Variants in TENM2 observed in about 807,000 individuals in gnomAD.
TENM2 encodes the protein teneurin transmembrane protein 2.
TENM2 carries 52 observed loss-of-function variants against 245.2 expected under a neutral mutation model. That is an observed-to-expected ratio of 0.21 (90% CI 0.17 to 0.27). The LOEUF (loss-of-function observed/expected upper bound fraction) is 0.27. Ranked by LOEUF, TENM2 falls within the 10% of genes least tolerant of loss-of-function variation. The pLI, the probability that TENM2 is intolerant of heterozygous loss-of-function variation, is 1.00. For synonymous variants in TENM2, 1,363 were observed against 1,438.9 expected, an observed-to-expected ratio of 0.95 and a Z score of 1.19; for missense variants, 3,046 against 3,666.8, an observed-to-expected ratio of 0.83 and a Z score of 4.37.
At chr5:167,121,424 A>G in the TENM2 span, among the ~76,000 whole-genome samples, 1 of 152,348 alleles carries the variant, frequency 6.6e-6, no homozygotes, top group Non-Finnish European at 1.5e-5. Flanking sequence ...AGAAGAATGC[A>G]CCAGGCTGTG....
At chr5:167,044,298 A>G in the TENM2 span, among the ~76,000 whole-genome samples, 1 of 152,214 alleles carries the variant, frequency 6.6e-6, no homozygotes, top group Non-Finnish European at 1.5e-5. Context: ...TGAAGTATCA[A>G]GTATGATGGC....
intron 12 of TENM2, 35 bp from the exon 15 acceptor site, chr5:168,162,576 T>C: frequency 3.7e-6 from 6 of 1,606,930 alleles, no homozygotes; most frequent in Non-Finnish European, 5.1e-6. Flanking sequence ...CGGCCTCACG[T>C]CCCTCCTTCT....
At position 168,216,977 on chromosome 5, in the gene TENM2, G is replaced by A. The variant is rs1330724304; in HGVS notation, c.4233+55G>A. ...AGCAACACCTGCCCCTTGGCCTGAGGTTCTTACCTGTTTCCTGTTTGGTTT... is the reference window on the plus strand; with the variant it reads ...AGCAACACCTGCCCCTTGGCCTGAGATTCTTACCTGTTTCCTGTTTGGTTT... On this transcript the variant is annotated intron_variant, in intron 22 of 28. Coordinates refer to ENST00000518659, the Ensembl canonical transcript of TENM2. 1.7e-5 allele frequency: 27 copies of A among 1,581,540 alleles called. No individual in the cohort carries two copies. In the East Asian group the frequency reaches 6.0e-4, roughly 35 times the overall value.
intron 4 of TENM2, among the ~76,000 whole-genome samples, chr5:167,987,673 A>G (rs1045330017): frequency 2.0e-5 from 3 of 152,060 alleles, no homozygotes; most frequent in Non-Finnish European, 4.4e-5. Flanking sequence ...ATACCTGGAT[A>G]GGGCCCAGGA....
At chr5:168,227,829 T>TTCTC in intron 24 of TENM2, 66 bp from the exon 27 acceptor site, 2 of 1,107,816 alleles carry the variant, frequency 1.8e-6, no homozygotes, top group Non-Finnish European at 2.6e-6. Context: ...AGGGGTTCTA[T>TTCTC]TCTCTTCTGA....
At chr5:167,428,924 A>G (rs557526686) in intron 2 of TENM2, among the ~76,000 whole-genome samples, 3 of 152,310 alleles carry the variant, frequency 2.0e-5, no homozygotes, top group South Asian at 2.1e-4. Flanking sequence ...CACTGAGAAC[A>G]TGTTCCATCA....
chr5:167,906,449 G>C (rs1452857338), intron 3 of TENM2, among the ~76,000 whole-genome samples: 2 of 152,182 alleles, frequency 1.3e-5, no homozygotes, highest in Non-Finnish European at 2.9e-5. Context: ...TGCAGCCCCT[G>C]ATTTTCTGAG....
At chr5:167,085,841 C>G in the TENM2 span, among the ~76,000 whole-genome samples, 1 of 152,116 alleles carries the variant, frequency 6.6e-6, no homozygotes, top group Non-Finnish European at 1.5e-5. Flanking sequence ...ATTGGACATG[C>G]CTACAGGTCG....
intron 2 of TENM2, among the ~76,000 whole-genome samples, chr5:167,450,203 C>G (rs1015929535): frequency 5.9e-5 from 9 of 152,114 alleles, no homozygotes; most frequent in African/African-American, 2.2e-4. Context: ...AATGCATGCT[C>G]ATTTTTTGTT....
chr5:167,777,206 C>T (rs970965580), intron 2 of TENM2, among the ~76,000 whole-genome samples: 5 of 152,106 alleles, frequency 3.3e-5, no homozygotes, highest in African/African-American at 1.2e-4. Flanking sequence ...TCCACTGAGG[C>T]AGCTTTGGGT....
At chr5:167,368,407 C>T (rs912320770) in intron 1 of TENM2, among the ~76,000 whole-genome samples, 1 of 152,018 alleles carries the variant, frequency 6.6e-6, no homozygotes, top group African/African-American at 2.4e-5. Flanking sequence ...CATTTTGCAG[C>T]AGGATCATAG....
chr5:168,167,353 C>A (rs1213359963), intron 13 of TENM2, among the ~76,000 whole-genome samples: 1 of 152,102 alleles, frequency 6.6e-6, no homozygotes, highest in African/African-American at 2.4e-5. Context: ...CCTGGTGAGA[C>A]AGTCCTTACT....
At chr5:168,049,507 C>T (rs928403233) in intron 6 of TENM2, among the ~76,000 whole-genome samples, 4 of 152,080 alleles carry the variant, frequency 2.6e-5, no homozygotes, top group South Asian at 2.1e-4. Flanking sequence ...TACTGGCCTC[C>T]GTAAATTAAG....
At chr5:167,975,569 C>A (rs1336907764) in intron 4 of TENM2, among the ~76,000 whole-genome samples, 1 of 151,918 alleles carries the variant, frequency 6.6e-6, no homozygotes, top group East Asian at 1.9e-4. Flanking sequence ...TCCTGAGTGT[C>A]CAACAGATAT....
chr5:167,375,804 A>G (rs568772977), intron 2 of TENM2, among the ~76,000 whole-genome samples: 14 of 152,282 alleles, frequency 9.2e-5, no homozygotes, highest in African/African-American at 3.4e-4. Context: ...ACAAGTTTCT[A>G]GGTCTTTGTA....
chr5:167,619,742 C>G (rs1778035021), intron 2 of TENM2, among the ~76,000 whole-genome samples: 1 of 152,166 alleles, frequency 6.6e-6, no homozygotes, highest in Non-Finnish European at 1.5e-5. Flanking sequence ...GTCAGGCAAA[C>G]CATTGCCTAT....
At chr5:167,930,703 AT>A (rs945103572) in intron 3 of TENM2, among the ~76,000 whole-genome samples, 3 of 151,926 alleles carry the variant, frequency 2.0e-5, no homozygotes, top group African/African-American at 4.8e-5. Flanking sequence ...GGCTGGTAGA[AT>A]TTTTTTTAAT....
intron 3 of TENM2, among the ~76,000 whole-genome samples, chr5:167,945,368 G>T (rs1779529563): frequency 1.3e-5 from 2 of 152,242 alleles, no homozygotes; most frequent in East Asian, 3.9e-4. Context: ...TTTAAGGAGA[G>T]AGAATTATGT....
intron 9 of TENM2, among the ~76,000 whole-genome samples, chr5:168,110,185 G>A (rs922028902): frequency 4.6e-4 from 70 of 151,970 alleles, no homozygotes; most frequent in African/African-American, 1.5e-3. Flanking sequence ...AAAAACTTTC[G>A]TGCTGGGAAA....
Sources: allele counts gnomAD v4.1 joint callset (sites outside exome capture counted in the v4.1 genomes callset), GRCh38; gene constraint gnomAD v4.1.1; transcripts MANE v1.5; gene names NCBI Gene and HGNC (gene_info 2026-07-23, HGNC 2026-07-21).